Variants in PCDH9 observed in about 807,000 individuals in gnomAD.
PCDH9 encodes protocadherin-9.
Under a neutral mutation model 70.6 loss-of-function variants are expected in PCDH9, and 24 were observed. That is an observed-to-expected ratio of 0.34 (90% confidence interval 0.25 to 0.48). The LOEUF (loss-of-function observed/expected upper bound fraction) is 0.48, where lower values mean the gene tolerates loss of function less well. Ranked by LOEUF, PCDH9 falls within the 20% of genes least tolerant of loss-of-function variation. PCDH9 has a pLI of 0.99. For missense variants in PCDH9, 1,281 were observed against 1,503.6 expected, an observed-to-expected ratio of 0.85 and a Z score of 2.45; for synonymous variants, 562 against 558.5, an observed-to-expected ratio of 1.01 and a Z score of -0.09.
At chr13:67,105,932 T>C (rs1265664326) in intron 2 of PCDH9, among the ~76,000 whole-genome samples, 1 of 151,086 alleles carries the variant, frequency 6.6e-6, no homozygotes, top group Non-Finnish European at 1.5e-5. Flanking sequence ...TATATATTTA[T>C]AACTATATAT....
chr13:66,539,178 A>T (rs920413904), intron 4 of PCDH9, among the ~76,000 whole-genome samples: 1 of 152,098 alleles, frequency 6.6e-6, no homozygotes, highest in Non-Finnish European at 1.5e-5. Flanking sequence ...CTTCTCAGAA[A>T]AATAGTTTAC....
intron 4 of PCDH9, among the ~76,000 whole-genome samples, chr13:66,420,021 G>T (rs1957535564): frequency 6.6e-6 from 1 of 152,128 alleles, no homozygotes; most frequent in Non-Finnish European, 1.5e-5. Context: ...GCTTGAGTAG[G>T]TGCTTTTCCC....
intron 3 of PCDH9, among the ~76,000 whole-genome samples, chr13:66,775,797 T>C (rs2079882109): frequency 1.3e-5 from 2 of 152,182 alleles, no homozygotes; most frequent in South Asian, 2.1e-4. Context: ...TCAAAAGTTA[T>C]GCATGACTTC....
At chr13:66,733,859 TAAC>T (rs1472728604) in intron 3 of PCDH9, among the ~76,000 whole-genome samples, 1 of 152,120 alleles carries the variant, frequency 6.6e-6, no homozygotes, top group Admixed American at 6.5e-5. Flanking sequence ...TCTTATGAAA[TAAC>T]AATGCAATGA....
chr13:67,055,912 G>C (rs2085410775), intron 2 of PCDH9, among the ~76,000 whole-genome samples: 1 of 152,058 alleles, frequency 6.6e-6, no homozygotes, highest in Non-Finnish European at 1.5e-5. Context: ...CAGCACTTTG[G>C]GAGTCTGAGG....
At chr13:66,885,434 A>G (rs1481034326) in intron 3 of PCDH9, among the ~76,000 whole-genome samples, 2 of 152,196 alleles carry the variant, frequency 1.3e-5, no homozygotes, top group Non-Finnish European at 2.9e-5. Context: ...TGTATGTTAA[A>G]TTGAAGATTA....
intron 2 of PCDH9, chr13:67,208,155 A>G (rs1387446619): frequency 2.0e-5 from 3 of 152,222 alleles, no homozygotes; most frequent in African/African-American, 7.2e-5. Flanking sequence ...TTATCTGTCC[A>G]TCTTCTAACC....
At chr13:66,672,335 C>A (rs948625300) in intron 3 of PCDH9, among the ~76,000 whole-genome samples, 1 of 152,170 alleles carries the variant, frequency 6.6e-6, no homozygotes, top group Non-Finnish European at 1.5e-5. Context: ...TGGCATTGGG[C>A]CTGTGGGTGC....
intron 2 of PCDH9, among the ~76,000 whole-genome samples, chr13:66,973,825 C>T (rs1247970279): frequency 6.6e-6 from 1 of 151,982 alleles, no homozygotes; most frequent in Non-Finnish European, 1.5e-5. Context: ...CTTATTCTAA[C>T]AGTAGAGGAG....
intron 2 of PCDH9, among the ~76,000 whole-genome samples, chr13:66,919,341 T>C (rs2082604359): frequency 6.6e-6 from 1 of 151,366 alleles, no homozygotes; most frequent in South Asian, 2.1e-4. Flanking sequence ...AGCTTACACC[T>C]TCCTTACTCA....
chr13:67,109,980 C>T (rs2086622846), intron 2 of PCDH9, among the ~76,000 whole-genome samples: 1 of 152,014 alleles, frequency 6.6e-6, no homozygotes, highest in Admixed American at 6.6e-5. Context: ...ATTTTGTGTA[C>T]TAAATTTCTG....
chr13:66,941,239 G>A (rs2083001719), intron 2 of PCDH9, among the ~76,000 whole-genome samples: 1 of 151,046 alleles, frequency 6.6e-6, no homozygotes, highest in South Asian at 2.1e-4. Context: ...AAACCCTAAA[G>A]CAACCAATAA....
At chr13:66,968,390 T>C in intron 2 of PCDH9, among the ~76,000 whole-genome samples, 1 of 152,062 alleles carries the variant, frequency 6.6e-6, no homozygotes, top group Non-Finnish European at 1.5e-5. Context: ...CAAGATTCCA[T>C]TAGCTTTTCT....
chr13:67,114,539 A>G (rs1422950081), intron 2 of PCDH9, among the ~76,000 whole-genome samples: 1 of 152,258 alleles, frequency 6.6e-6, no homozygotes, highest in Non-Finnish European at 1.5e-5. Context: ...AATGAGACAA[A>G]TGAAGCAGAG....
intron 3 of PCDH9, among the ~76,000 whole-genome samples, chr13:66,640,448 T>C (rs188093685): frequency 1.8e-4 from 28 of 152,188 alleles, no homozygotes; most frequent in African/African-American, 5.1e-4. Context: ...TTTTAGGACA[T>C]AGCCCCAATT....
Position 66,684,167 on chromosome 13 carries a change from T to A in PCDH9, c.3139-52756A>T, listed in dbSNP as rs146758461. 3.0e-4 allele frequency among the ~76,000 whole-genome samples: 45 copies of A among 152,258 alleles called. 1 individual carries two copies. In the East Asian group the frequency reaches 8.5e-3, roughly 29 times the overall value. ...GGAGTTATTATACACTCCAAGAAAA[T>A]AAATGACAGTTTAGTCTAGTTTTAT... On this transcript the variant is annotated intron_variant, in intron 3 of 4. Transcript: ENST00000377865.
At chr13:67,112,641 T>C (rs1451763075) in intron 2 of PCDH9, among the ~76,000 whole-genome samples, 12 of 150,322 alleles carry the variant, frequency 8.0e-5, no homozygotes, top group African/African-American at 2.7e-4. Flanking sequence ...CTTTCTCTCT[T>C]TCTCTCTCCC....
At position 66,803,067 on chromosome 13, in the gene PCDH9, G is replaced by A. The variant is rs556708614; in HGVS notation, c.3138+100437C>T. 4.6e-5 allele frequency among the ~76,000 whole-genome samples: 7 copies of A among 151,818 alleles called. No individual in the cohort carries two copies. In the South Asian group the frequency reaches 1.5e-3, roughly 32 times the overall value. On this transcript the variant is annotated intron_variant, in intron 3 of 4. Transcript: ENST00000377865. Reference sequence around the variant, plus strand: ...TCGGTTTACAAATAGAATCAACTCTGACTACACACAGTGTCAAGGTTGAAT... The same window carrying A: ...TCGGTTTACAAATAGAATCAACTCTAACTACACACAGTGTCAAGGTTGAAT...
intron 4 of PCDH9, among the ~76,000 whole-genome samples, chr13:66,460,886 A>G (rs937011859): frequency 3.3e-5 from 5 of 151,882 alleles, no homozygotes; most frequent in Non-Finnish European, 7.4e-5. Context: ...AGAAGCTCCT[A>G]CCTACACGCT....
Sources: allele counts gnomAD v4.1 joint callset (sites outside exome capture counted in the v4.1 genomes callset), GRCh38; gene constraint gnomAD v4.1.1; transcripts MANE v1.5; gene names NCBI Gene and HGNC (gene_info 2026-07-23, HGNC 2026-07-21).